BCO2: variants seen among roughly 807,000 people sequenced by gnomAD.
BCO2 encodes the protein carotenoid-cleaving dioxygenase, mitochondrial.
Under a neutral mutation model 65.8 loss-of-function variants are expected in BCO2, and 56 were observed. The ratio of observed to expected loss-of-function variants is 0.85; its 90% confidence interval spans 0.69 to 1.06. The LOEUF (loss-of-function observed/expected upper bound fraction) is 1.06. BCO2 is among the 50% of genes least tolerant of loss of function. The pLI, the probability that BCO2 is intolerant of heterozygous loss-of-function variation, is 0.00. For missense variants in BCO2, 675 were observed against 698.5 expected, an observed-to-expected ratio of 0.97 and a Z score of 0.38; for synonymous variants, 233 against 242.3, an observed-to-expected ratio of 0.96 and a Z score of 0.36.
In BCO2 at chr11:112,181,221, G is replaced by A. The variant is rs545217407; in HGVS notation, c.293+1739G>A. ...TTTTGAGACGGAGTCTCGCTCTGTC[G>A]CCCAGGCTGGAGTGCAGTGGCGGGA... is the stretch of plus-strand genomic sequence containing the variant. On this transcript the variant is annotated intron_variant, in intron 2 of 11. Transcript: ENST00000357685. 1.9e-4 allele frequency: 136 copies of A among 700,470 alleles called. 1 individual carries two copies. Among genetic ancestry groups the A allele is most frequent in the South Asian group, 1.8e-3 (119 of 64,758 alleles). The allele number at this position is 700,470 out of a possible 1,614,324, so 43.4% of individuals were successfully genotyped here.
intron 8 of BCO2, among the ~76,000 whole-genome samples, chr11:112,211,060 C>A (rs1859494520): frequency 6.6e-6 from 1 of 152,040 alleles, no homozygotes; most frequent in Non-Finnish European, 1.5e-5. Flanking sequence ...AGAACATTTT[C>A]ATCATCTCAA....
At chr11:112,187,914 T>C (rs1027954287) in intron 2 of BCO2, among the ~76,000 whole-genome samples, 7 of 152,150 alleles carry the variant, frequency 4.6e-5, no homozygotes, top group Non-Finnish European at 1.0e-4. Context: ...AAATATTTCC[T>C]CGCAGGGTCA....
At chr11:112,206,462 C>G (rs1286887275) in intron 8 of BCO2, among the ~76,000 whole-genome samples, 1 of 152,140 alleles carries the variant, frequency 6.6e-6, no homozygotes, top group Non-Finnish European at 1.5e-5. Flanking sequence ...TGTAAGAGTT[C>G]TTTATAAATT....
Position 112,200,755 on chromosome 11 carries a change from G to A in BCO2, c.1008G>A (p.Val336=). The change falls in exon 7 of 12, where the codon GTG becomes GTA. Residue 336 remains valine (V), a synonymous_variant. Coordinates refer to ENST00000357685, the MANE Select transcript of BCO2 (RefSeq NM_031938.7). ...EPQCNTRFHV[V]EKRTGQLLPG... is the part of the protein sequence containing the mutation. ...AGTGTAATACGCGGTTTCATGTGGT[G>A]GAAAAACGCACTGGACAGGTGGAGT... is the stretch of plus-strand genomic sequence containing the variant. The A allele has an allele frequency of 1.9e-6, 3 of 1,613,370 alleles. No homozygotes were observed. The highest frequency in any genetic ancestry group is 2.5e-6 in the Non-Finnish European group (3 of 1,179,794).
rs553947164 is a variant in BCO2 at position 112,199,700 on chromosome 11, T to G, written c.738T>G (p.Gly246=). The change falls in exon 6 of 12, where the codon GGT becomes GGG. Residue 246 remains glycine (G), a splice_region_variant and synonymous_variant. Transcript: ENST00000357685. ...AAGATAGGACTTTTCATTTTTCAGG[T>G]TTCTCCTATAAGGTTATTCGGGTTC... ...YNMGNSFGPY[G]FSYKVIRVPP... 6.2e-7 allele frequency: 1 copy of G among 1,613,002 alleles called. No homozygotes were observed. Among genetic ancestry groups the G allele is most frequent in the South Asian group, 1.1e-5 (1 of 91,026 alleles).
At chr11:112,176,017 G>T (rs1362999539) in intron 1 of BCO2, 4 of 211,646 alleles carry the variant, frequency 1.9e-5, no homozygotes, top group Non-Finnish European at 3.8e-5. Context: ...ACTGCCACAC[G>T]TTCTAATGTA....
At chr11:112,181,100 A>G (rs1867028055) in intron 2 of BCO2, 1 of 1,492,084 alleles carries the variant, frequency 6.7e-7, no homozygotes, top group African/African-American at 1.4e-5. Flanking sequence ...TTTAGTGAAT[A>G]AAGAACCTGA....
intron 2 of BCO2, chr11:112,181,180 C>A: frequency 3.1e-5 from 17 of 548,762 alleles, no homozygotes; most frequent in Non-Finnish European, 4.0e-5. Flanking sequence ...GAGGAGCTTT[C>A]TTTTTTTTTT....
At chr11:112,211,892 T>C (rs1859522231) in intron 8 of BCO2, among the ~76,000 whole-genome samples, 8 of 152,244 alleles carry the variant, frequency 5.3e-5, no homozygotes, top group Admixed American at 5.2e-4. Flanking sequence ...TTCTAGTTGT[T>C]TTCAATGGGG....
intron 7 of BCO2, 32 bp from the exon 8 acceptor site, chr11:112,201,991 A>AT: frequency 2.0e-6 from 3 of 1,511,992 alleles, no homozygotes; most frequent in Non-Finnish European, 2.7e-6. Flanking sequence ...ACTAAAAAAA[A>AT]TTTTTTTCAT....
intron 5 of BCO2, 86 bp from the exon 6 acceptor site, chr11:112,199,613 G>A: frequency 8.1e-7 from 1 of 1,229,894 alleles, no homozygotes; most frequent in African/African-American, 1.5e-5. Context: ...TCTCTTAATT[G>A]CTTTTGGCAA....
At chr11:112,209,416 T>C (rs1025685647) in intron 8 of BCO2, among the ~76,000 whole-genome samples, 1 of 152,256 alleles carries the variant, frequency 6.6e-6, no homozygotes, top group Non-Finnish European at 1.5e-5. Context: ...GTGTCTTTTG[T>C]GGCTTGAGAA....
At chr11:112,194,220 T>C (rs952944247) in intron 4 of BCO2, 1 of 496,088 alleles carries the variant, frequency 2.0e-6, no homozygotes, top group Non-Finnish European at 3.6e-6. Context: ...ATCTGAAGGC[T>C]AGGGTAAAGG....
At chr11:112,179,250 T>G in intron 1 of BCO2, 28 bp from the exon 2 acceptor site, 5 of 1,598,170 alleles carry the variant, frequency 3.1e-6, no homozygotes, top group Non-Finnish European at 4.3e-6. Flanking sequence ...GTAAAATATT[T>G]TTTGTGCTTT....
At chr11:112,181,037 G>C (rs1867026550) in intron 2 of BCO2, 1 of 1,471,006 alleles carries the variant, frequency 6.8e-7, no homozygotes, top group African/African-American at 1.4e-5. Flanking sequence ...ATTCCACACA[G>C]AGTGGCTGAC....
intron 1 of BCO2, 124 bp from the exon 2 acceptor site, chr11:112,179,154 A>C: frequency 1.2e-6 from 1 of 805,858 alleles, no homozygotes; most frequent in Non-Finnish European, 2.0e-6. Context: ...TGGAGCCTGT[A>C]TTTGGTGTTA....
intron 4 of BCO2, chr11:112,194,338 G>A (rs766308840): frequency 3.2e-5 from 13 of 402,944 alleles, no homozygotes; most frequent in Non-Finnish European, 4.4e-5. Context: ...CACATAACAT[G>A]TTAATTAAAA....
chr11:112,194,315 C>T lies in BCO2; in HGVS notation c.633+321C>T, dbSNP rs144475412. The T allele has an allele frequency of 5.2e-5, 21 of 405,188 alleles. No homozygotes were observed. In the East Asian group the frequency reaches 1.1e-3, roughly 22 times the overall value. 25.1% of individuals were successfully genotyped at this position (405,188 alleles called of 1,614,324 possible). ...AGTATTGGACTGGAGGTTGTCTATA[C>T]CTGTATTTCCTTCACATAACATGTT... On this transcript the variant is annotated intron_variant, in intron 4 of 11. Transcript: ENST00000357685.
chr11:112,193,639 A>G lies in BCO2; in HGVS notation c.459A>G (p.Pro153=). The G allele has an allele frequency of 1.2e-6, 2 of 1,614,214 alleles. No homozygotes were observed. Among genetic ancestry groups the G allele is most frequent in the Non-Finnish European group, 1.7e-6 (2 of 1,180,026 alleles). ...TTGGCACACTGGCTCTCCCGGATCC[A>G]TGCAAGAATGTTTTTGAACGTTTCA... ...SEFGTLALPD[P]CKNVFERFMS... is the part of the protein sequence containing the mutation. The change falls in exon 3 of 12, where the codon CCA becomes CCG. Residue 153 remains proline (P), a synonymous_variant. Transcript: ENST00000357685.
Sources: gnomAD v4.1 joint callset for allele counts (sites outside exome capture counted in the v4.1 genomes callset) on GRCh38, gnomAD v4.1.1 for gene constraint, MANE v1.5 for transcripts, NCBI Gene and HGNC (gene_info 2026-07-23, HGNC 2026-07-21) for gene names.